The following FAM174A variants were observed in gnomAD, a reference collection of about 807,000 sequenced individuals.
FAM174A encodes the protein family with sequence similarity 174 member A, also known as membrane protein FAM174A.
In FAM174A, 14 loss-of-function variants were observed where a neutral mutation model predicts 14.3. The observed-to-expected ratio is 0.98, with a 90% CI of 0.65 to 1.53. The LOEUF is 1.53. FAM174A is among the 40% of genes most tolerant of loss of function. The pLI, the probability that FAM174A is intolerant of heterozygous loss-of-function variation, is 0.00. For missense variants in FAM174A, 241 were observed against 249.6 expected (o/e 0.97, Z 0.23); for synonymous variants, 108 against 111.4 (o/e 0.97, Z 0.19).
chr5:100,536,082 T>C, intron 1 of FAM174A, 118 bp downstream of exon 1: 1 of 878,370 alleles, frequency 1.1e-6, no homozygotes, highest in South Asian at 2.0e-5. Context: ...GACTCCTGCT[T>C]AAGAATATGA....
At chr5:100,549,344 A>C (rs1580365389) in intron 1 of FAM174A, among the ~76,000 whole-genome samples, 2 of 152,150 alleles carry the variant, frequency 1.3e-5, no homozygotes, top group South Asian at 4.1e-4. Flanking sequence ...AAGACAAAGA[A>C]ATCCATGTCA....
intron 2 of FAM174A, among the ~76,000 whole-genome samples, chr5:100,582,422 TATTG>T (rs1195428149): frequency 6.6e-6 from 1 of 152,104 alleles, no homozygotes; most frequent in Non-Finnish European, 1.5e-5. Context: ...TTCTAAATGT[TATTG>T]ATGATTATAA....
chr5:100,543,097 C>G (rs778098073), intron 1 of FAM174A, among the ~76,000 whole-genome samples: 3 of 151,992 alleles, frequency 2.0e-5, no homozygotes, highest in Non-Finnish European at 4.4e-5. Flanking sequence ...TTGTCTCAAA[C>G]AAAGTTAATG....
chr5:100,540,380 G>A (rs1746025185), intron 1 of FAM174A, among the ~76,000 whole-genome samples: 1 of 152,020 alleles, frequency 6.6e-6, no homozygotes, highest in Non-Finnish European at 1.5e-5. Flanking sequence ...AGTGCACAAG[G>A]AAAGTCCCTG....
chr5:100,537,181 G>C (rs1223455685), intron 1 of FAM174A, among the ~76,000 whole-genome samples: 1 of 152,110 alleles, frequency 6.6e-6, no homozygotes, highest in Non-Finnish European at 1.5e-5. Flanking sequence ...GTGCGAAGAT[G>C]GAATTACTTT....
rs552885832 is a variant in FAM174A at position 100,568,733 on chromosome 5, TA to T, written c.569+6554del. ...ATTGCTTTGCTTAAAAAAAACTTTC[TA>T]AAAAAAAATGAAAGTTTGCAGTTTT... On this transcript the variant is annotated intron_variant, in intron 2 of 2. Coordinates refer to ENST00000312637, the MANE Select transcript of FAM174A (RefSeq NM_198507.3). Among the ~76,000 whole-genome samples, 1,190 of 148,424 alleles carry T rather than the reference TA, an allele frequency of 8.0e-3. 19 individuals are homozygous for T. Among genetic ancestry groups the T allele is most frequent in the African/African-American group, 0.028 (1,108 of 39,336 alleles).
intron 2 of FAM174A, among the ~76,000 whole-genome samples, chr5:100,582,499 C>A (rs1747041869): frequency 6.6e-6 from 1 of 150,724 alleles, no homozygotes; most frequent in East Asian, 1.9e-4. Flanking sequence ...TTGGTTTGAT[C>A]AAATGCTTTT....
rs535404769 is a variant in FAM174A, at chr5:100,567,855, C to T, written c.569+5667C>T. On this transcript the variant is annotated intron_variant, in intron 2 of 2. Coordinates refer to ENST00000312637, the MANE Select transcript of FAM174A (RefSeq NM_198507.3). ...TTCATTAGCAGTGATAATTTTTATG[C>T]ACCTGTTTAAGGTTTTCCTTAATTT... is the stretch of plus-strand genomic sequence containing the variant. Among the ~76,000 whole-genome samples, 16 of 151,970 alleles carry T rather than the reference C, an allele frequency of 1.1e-4. 1 individual carries two copies. Among genetic ancestry groups the T allele is most frequent in the African/African-American group, 3.6e-4 (15 of 41,526 alleles).
chr5:100,536,051 TC>T, intron 1 of FAM174A, 87 bp downstream of exon 1: 1 of 1,212,292 alleles, frequency 8.2e-7, no homozygotes, highest in Non-Finnish European at 1.1e-6. Context: ...TGTGACCCTT[TC>T]CCCCTTCCCC....
chr5:100,581,481 G>C (rs948228598), intron 2 of FAM174A: 1 of 693,598 alleles, frequency 1.4e-6, no homozygotes, highest in Non-Finnish European at 1.8e-6. Context: ...GGCCCAGCAT[G>C]GTGGCTCATG....
At chr5:100,559,322 G>T (rs1253766235) in intron 1 of FAM174A, among the ~76,000 whole-genome samples, 1 of 152,108 alleles carries the variant, frequency 6.6e-6, no homozygotes, top group African/African-American at 2.4e-5. Context: ...TAGTCTGATG[G>T]GCTTCCCTTT....
At chr5:100,572,833 T>A (rs1404784624) in intron 2 of FAM174A, among the ~76,000 whole-genome samples, 2 of 152,172 alleles carry the variant, frequency 1.3e-5, no homozygotes, top group Non-Finnish European at 1.5e-5. Flanking sequence ...CCACCCTGAC[T>A]TCCACAATGG....
At chr5:100,581,274 T>C in intron 2 of FAM174A, 1 of 643,220 alleles carries the variant, frequency 1.6e-6, no homozygotes, top group Non-Finnish European at 1.9e-6. Flanking sequence ...CTACAACTTC[T>C]ATATCACCTC....
At position 100,580,194 on chromosome 5, in the gene FAM174A, G is replaced by A. The variant is rs1746984035; in HGVS notation, c.570-5987G>A. Reference sequence around the variant, plus strand: ...TGGCAACTATGTAAGAATTGCCCCTGTCTGACAGCTACTGTAAGATGCCAT... The same window carrying A: ...TGGCAACTATGTAAGAATTGCCCCTATCTGACAGCTACTGTAAGATGCCAT... On this transcript the variant is annotated intron_variant, in intron 2 of 2. Transcript: ENST00000312637. Among the ~76,000 whole-genome samples, 4 of 152,150 alleles carry A rather than the reference G, an allele frequency of 2.6e-5. 1 individual carries two copies. In the South Asian group the frequency reaches 8.3e-4, roughly 32 times the overall value.
At chr5:100,541,080 TATC>T (rs1746040777) in intron 1 of FAM174A, among the ~76,000 whole-genome samples, 1 of 152,214 alleles carries the variant, frequency 6.6e-6, no homozygotes, top group South Asian at 2.1e-4. Context: ...TTTGACAAGT[TATC>T]ATATGGGCCA....
At chr5:100,557,154 C>G (rs1018109383) in intron 1 of FAM174A, among the ~76,000 whole-genome samples, 2 of 152,066 alleles carry the variant, frequency 1.3e-5, no homozygotes, top group African/African-American at 2.4e-5. Context: ...CAGCATGAAG[C>G]GTTGTTGAAT....
chr5:100,538,658 A>G (rs1404045284), intron 1 of FAM174A, among the ~76,000 whole-genome samples: 3 of 152,094 alleles, frequency 2.0e-5, no homozygotes, highest in Non-Finnish European at 2.9e-5. Flanking sequence ...ATCATGTGCA[A>G]TATATGATGG....
At chr5:100,559,568 A>T (rs1746480074) in intron 1 of FAM174A, among the ~76,000 whole-genome samples, 1 of 151,874 alleles carries the variant, frequency 6.6e-6, no homozygotes, top group Admixed American at 6.6e-5. Context: ...CATCCTCCCC[A>T]TCACTTTCAG....
intron 1 of FAM174A, among the ~76,000 whole-genome samples, chr5:100,551,327 T>C (rs931191101): frequency 1.3e-5 from 2 of 152,112 alleles, no homozygotes; most frequent in African/African-American, 4.8e-5. Context: ...GCCAGGACAA[T>C]AACCCCTAAA....
Sources: gnomAD v4.1 joint callset for allele counts (sites outside exome capture counted in the v4.1 genomes callset) on GRCh38, gnomAD v4.1.1 for gene constraint, MANE v1.5 for transcripts, NCBI Gene and HGNC (gene_info 2026-07-23, HGNC 2026-07-21) for gene names.